RUFY2: variants seen among roughly 807,000 people sequenced by gnomAD.
RUFY2 encodes RUN and FYVE domain-containing protein 2.
Under a neutral mutation model 94.4 loss-of-function variants are expected in RUFY2, and 49 were observed. The ratio of observed to expected loss-of-function variants is 0.52; its 90% CI spans 0.41 to 0.66. The LOEUF (loss-of-function observed/expected upper bound fraction) is 0.66. Ranked by LOEUF, RUFY2 falls within the 30% of genes least tolerant of loss-of-function variation. The pLI, the probability that RUFY2 is intolerant of heterozygous loss-of-function variation, is 0.00. For missense variants in RUFY2, 541 were observed against 692.8 expected (o/e 0.78, Z 2.46); for synonymous variants, 255 against 235.7 (o/e 1.08, Z -0.75).
chr10:68,349,004 C>G (rs1164140311), intron 16 of RUFY2, among the ~76,000 whole-genome samples: 1 of 152,034 alleles, frequency 6.6e-6, no homozygotes, highest in East Asian at 1.9e-4. Flanking sequence ...GGATTCTTCT[C>G]TGGAGAAATT....
chr10:68,384,961 T>C (rs1473500378), intron 8 of RUFY2, among the ~76,000 whole-genome samples: 1 of 152,000 alleles, frequency 6.6e-6, no homozygotes, highest in African/African-American at 2.4e-5. Flanking sequence ...GTTCGTTGGT[T>C]TGGAAAAATT....
chr10:68,376,681 C>T (rs1016857667), intron 13 of RUFY2, among the ~76,000 whole-genome samples, 172 bp downstream of exon 13: 2 of 150,702 alleles, frequency 1.3e-5, no homozygotes, highest in Admixed American at 6.6e-5. Flanking sequence ...GGAGTAAAAA[C>T]ATAAGTATTA....
intron 15 of RUFY2, among the ~76,000 whole-genome samples, 169 bp downstream of exon 15, chr10:68,363,421 C>T (rs923579229): frequency 6.6e-6 from 1 of 152,178 alleles, no homozygotes; most frequent in African/African-American, 2.4e-5. Context: ...ATGATCCACC[C>T]GCCTCGGCCA....
chr10:68,404,656 A>T lies in RUFY2; in HGVS notation c.178+15T>A, dbSNP rs748429837. On this transcript the variant is annotated intron_variant, in intron 2 of 17. Transcript: ENST00000602465. ...AAATTCTAAAATGAATTAATTTTTT[A>T]AAATCTCATGATACCTTTAAGACCG... The T allele has an allele frequency of 1.1e-5, 16 of 1,501,094 alleles. No individual in the cohort carries two copies. The highest frequency in any genetic ancestry group is 1.4e-5 in the Non-Finnish European group (16 of 1,122,232). The allele number at this position is 1,501,094 out of a possible 1,614,324, so 93.0% of individuals were successfully genotyped here. A position where few individuals can be genotyped will look rare whatever the true frequency, so the allele number is the denominator to read the frequency against.
intron 15 of RUFY2, among the ~76,000 whole-genome samples, chr10:68,358,810 C>A (rs559474481): frequency 6.6e-6 from 1 of 152,234 alleles, no homozygotes; most frequent in East Asian, 1.9e-4. Flanking sequence ...ACTCTGGAGG[C>A]TGAGGCAGGA....
At position 68,381,311 on chromosome 10, in the gene RUFY2, T is replaced by G. The variant is rs775654540; in HGVS notation, c.1028A>C (p.Lys343Thr). Residue 343 changes from lysine to threonine, a missense_variant, in exon 11 of 18, where the codon AAA (lysine) becomes ACA (threonine). Transcript: ENST00000602465. ...MKLLEKDIHE[K>T]QDTLIGLRQQ... is the part of the protein sequence containing the mutation. Reference sequence around the variant, plus strand: ...TCGAAGGCCTATCAGAGTATCTTGTTTCTCATGGATATCTTTCTCCAGCAA... The same window carrying G: ...TCGAAGGCCTATCAGAGTATCTTGTGTCTCATGGATATCTTTCTCCAGCAA... 3.1e-6 allele frequency: 5 copies of G among 1,613,918 alleles called. No individual in the cohort carries two copies. The African/African-American group carries it at 6.7e-5, about 22-fold the overall frequency.
chr10:68,370,641 C>T (rs1473326256), intron 13 of RUFY2, among the ~76,000 whole-genome samples: 1 of 151,442 alleles, frequency 6.6e-6, no homozygotes, highest in Non-Finnish European at 1.5e-5. Context: ...GACAGCAAGA[C>T]CCTATCTCAA....
rs138105445 is a variant in RUFY2 at position 68,395,758 on chromosome 10, C to T, written c.398+1022G>A. Among the ~76,000 whole-genome samples the T allele has an allele frequency of 8.1e-3, 1,240 of 152,256 alleles. 17 individuals are homozygous for T. Among genetic ancestry groups the T allele is most frequent in the African/African-American group, 0.028 (1,156 of 41,552 alleles). On this transcript the variant is annotated intron_variant, in intron 4 of 17. Transcript: ENST00000602465. ...TACATTATTTAATCACTTTAATTATCCTTCAGAATATTGAGAAGCCATGGG... is the reference window on the plus strand; with the variant it reads ...TACATTATTTAATCACTTTAATTATTCTTCAGAATATTGAGAAGCCATGGG...
At chr10:68,398,202 T>C (rs975009676) in intron 3 of RUFY2, among the ~76,000 whole-genome samples, 17 of 151,738 alleles carry the variant, frequency 1.1e-4, no homozygotes, top group African/African-American at 3.6e-4. Context: ...ACATTATATC[T>C]GAATTTTAAA....
At chr10:68,406,387 CCACTT>C (rs1485103625) in intron 1 of RUFY2, among the ~76,000 whole-genome samples, 6 of 152,138 alleles carry the variant, frequency 3.9e-5, no homozygotes, top group African/African-American at 1.4e-4. Context: ...GGGAGTGAAA[CCACTT>C]CATGTTTCAT....
chr10:68,400,455 T>C (rs2050732585), intron 3 of RUFY2, among the ~76,000 whole-genome samples: 1 of 151,444 alleles, frequency 6.6e-6, no homozygotes, highest in African/African-American at 2.4e-5. Context: ...GGCGGGCGGA[T>C]CACAAGGTCA....
rs565057638 is a variant in RUFY2, at chr10:68,396,164, A to G, written c.398+616T>C. The stretch of plus-strand genomic sequence containing the variant: ...CAGGCATGCGCCACCACACCCAGCT[A>G]ATTTTTGTGTTTTTAGTAGAGACGG... On this transcript the variant is annotated intron_variant, in intron 4 of 17. Transcript: ENST00000602465. 2.0e-5 allele frequency among the ~76,000 whole-genome samples: 3 copies of G among 152,184 alleles called. No individual in the cohort carries two copies. In the South Asian group the frequency reaches 6.2e-4, roughly 32 times the overall value.
chr10:68,395,019 G>A (rs955495802), intron 4 of RUFY2, among the ~76,000 whole-genome samples: 11 of 151,562 alleles, frequency 7.3e-5, no homozygotes, highest in Non-Finnish European at 1.3e-4. Flanking sequence ...TTGAGAGAGA[G>A]AAAAGAGGAG....
intron 3 of RUFY2, among the ~76,000 whole-genome samples, chr10:68,399,026 T>C (rs1239346385): frequency 6.6e-6 from 1 of 152,052 alleles, no homozygotes; most frequent in African/African-American, 2.4e-5. Context: ...CAAATATCAT[T>C]TGATTTTTTT....
chr10:68,342,203 A>G, downstream of RUFY2: 2 of 564,004 alleles, frequency 3.5e-6, no homozygotes, highest in Non-Finnish European at 6.1e-6. Context: ...ACAGATTGTG[A>G]TGGGAAAATG....
intron 15 of RUFY2, 159 bp from the exon 16 acceptor site, chr10:68,355,560 A>G (rs1004003854): frequency 2.1e-6 from 1 of 479,154 alleles, no homozygotes; most frequent in Admixed American, 4.0e-5. Flanking sequence ...ATATTTTCCT[A>G]TATTTTCTAA....
At chr10:68,391,653 C>CA (rs1230935983) in intron 7 of RUFY2, among the ~76,000 whole-genome samples, 2,593 of 27,630 alleles carry the variant, frequency 0.094, 155 homozygotes, top group African/African-American at 0.16. Flanking sequence ...GACCCTGTCT[C>CA]AAAAAAAAAA....
At chr10:68,346,171 G>T (rs1326657120) in intron 16 of RUFY2, 87 bp from the exon 17 acceptor site, 2 of 917,896 alleles carry the variant, frequency 2.2e-6, no homozygotes, top group Non-Finnish European at 3.3e-6. Context: ...TTATTTATAG[G>T]AATAGATATA....
At chr10:68,378,668 T>G (rs750380029) in intron 12 of RUFY2, 1 of 1,609,144 alleles carries the variant, frequency 6.2e-7, no homozygotes, top group Non-Finnish European at 8.5e-7. Context: ...CAAATCGTTG[T>G]CACTTCATAA....
Sources: gnomAD v4.1 joint callset for allele counts (sites outside exome capture counted in the v4.1 genomes callset) on GRCh38, gnomAD v4.1.1 for gene constraint, MANE v1.5 for transcripts, NCBI Gene and HGNC (gene_info 2026-07-23, HGNC 2026-07-21) for gene names.